PLXDC2: variants seen among roughly 807,000 people sequenced by gnomAD.
PLXDC2 encodes the protein plexin domain-containing protein 2.
PLXDC2 carries 40 observed loss-of-function variants against 68.9 expected under a neutral mutation model. The observed-to-expected ratio is 0.58, with a 90% CI of 0.45 to 0.76. The LOEUF is 0.76. Ranked by LOEUF, PLXDC2 falls within the 30% of genes least tolerant of loss-of-function variation. The probability of loss-of-function intolerance (pLI) is 0.00; values close to 1 mark genes in which losing one functional copy is unlikely to be tolerated. For synonymous variants in PLXDC2, 243 were observed against 234.2 expected (o/e 1.04, Z -0.34); for missense variants, 644 against 661.9 (o/e 0.97, Z 0.30).
At chr10:20,105,478 C>A (rs1833479915) in intron 4 of PLXDC2, among the ~76,000 whole-genome samples, 1 of 123,546 alleles carries the variant, frequency 8.1e-6, no homozygotes, top group East Asian at 2.3e-4. Flanking sequence ...CATTAAAAAG[C>A]AAATATTTGT....
At chr10:20,032,338 G>A (rs569637842) in intron 2 of PLXDC2, among the ~76,000 whole-genome samples, 4 of 152,324 alleles carry the variant, frequency 2.6e-5, no homozygotes, top group Admixed American at 2.6e-4. Context: ...GTGAGATGAG[G>A]AAAATGAAGT....
intron 13 of PLXDC2, among the ~76,000 whole-genome samples, chr10:20,252,236 T>G (rs1387118838): frequency 6.6e-6 from 1 of 152,212 alleles, no homozygotes; most frequent in African/African-American, 2.4e-5. Context: ...TATGGACTTC[T>G]GAGCTCTTAA....
chr10:19,881,241 G>T (rs1345251969), intron 1 of PLXDC2, among the ~76,000 whole-genome samples: 1 of 152,004 alleles, frequency 6.6e-6, no homozygotes, highest in African/African-American at 2.4e-5. Context: ...TCAGCCTCCT[G>T]AGTAGCTGGG....
chr10:20,241,200 GAGA>G (rs1286056848), intron 12 of PLXDC2, among the ~76,000 whole-genome samples: 4 of 152,190 alleles, frequency 2.6e-5, no homozygotes, highest in Admixed American at 2.6e-4. Context: ...ATAATTGGGA[GAGA>G]AGTATTTATG....
intron 1 of PLXDC2, among the ~76,000 whole-genome samples, chr10:19,986,214 C>T (rs1834636561): frequency 6.6e-6 from 1 of 151,834 alleles, no homozygotes; most frequent in African/African-American, 2.4e-5. Context: ...GATTGATAAA[C>T]GTATTATGAA....
At chr10:19,883,714 A>G (rs1837782032) in intron 1 of PLXDC2, among the ~76,000 whole-genome samples, 1 of 151,528 alleles carries the variant, frequency 6.6e-6, no homozygotes, top group African/African-American at 2.4e-5. Context: ...AAATTCAGAG[A>G]GAAGAATGGG....
At chr10:19,843,756 T>C (rs1443508563) in intron 1 of PLXDC2, among the ~76,000 whole-genome samples, 1 of 152,052 alleles carries the variant, frequency 6.6e-6, no homozygotes, top group East Asian at 1.9e-4. Context: ...ATGACTGATA[T>C]CAGAGCCTGG....
chr10:20,145,447 C>G (rs1000365547), intron 5 of PLXDC2, among the ~76,000 whole-genome samples: 1 of 152,178 alleles, frequency 6.6e-6, no homozygotes, highest in African/African-American at 2.4e-5. Flanking sequence ...GCAAACTTCT[C>G]TGGAAAAGAC....
rs763188886 is a variant in PLXDC2, at chr10:19,975,322, GT to G, written c.113-26452del. 2.2e-3 allele frequency among the ~76,000 whole-genome samples: 328 copies of G among 152,218 alleles called. 2 individuals carry two copies. Among genetic ancestry groups the G allele is most frequent in the Non-Finnish European group, 3.6e-3 (244 of 68,008 alleles). ...AAATACAAAAAATTAGCTGGGCATG[GT>G]GGCAGGTGCCTGTAGTCCCAGCTAC... On this transcript the variant is annotated intron_variant, in intron 1 of 13. Coordinates refer to ENST00000377252, the MANE Select transcript of PLXDC2 (RefSeq NM_032812.9).
intron 12 of PLXDC2, among the ~76,000 whole-genome samples, chr10:20,230,270 C>G (rs1307612629): frequency 6.6e-6 from 1 of 151,952 alleles, no homozygotes; most frequent in African/African-American, 2.4e-5. Context: ...AATATGTACA[C>G]TGCAAATATA....
chr10:20,237,107 A>G (rs1476736078), intron 12 of PLXDC2, among the ~76,000 whole-genome samples: 1 of 152,138 alleles, frequency 6.6e-6, no homozygotes, highest in Non-Finnish European at 1.5e-5. Context: ...GACAGACTGT[A>G]AAAGGAAAGC....
At chr10:20,223,099 A>C (rs1835237070) in intron 12 of PLXDC2, among the ~76,000 whole-genome samples, 2 of 152,154 alleles carry the variant, frequency 1.3e-5, no homozygotes, top group South Asian at 2.1e-4. Context: ...ACACCATTCT[A>C]AATGCTACAC....
At chr10:20,227,809 G>A (rs7085600) in intron 12 of PLXDC2, among the ~76,000 whole-genome samples, 80,571 of 151,910 alleles carry the variant, frequency 0.53, 21,627 homozygotes, top group Middle Eastern at 0.61. Context: ...AGACTGAGAG[G>A]CCAGAAAATC....
chr10:20,204,234 A>G (rs1294843639), intron 9 of PLXDC2, among the ~76,000 whole-genome samples: 3 of 152,138 alleles, frequency 2.0e-5, no homozygotes, highest in Non-Finnish European at 4.4e-5. Flanking sequence ...AATAAGGATA[A>G]TTATAAGTAA....
At chr10:20,127,430 G>A (rs537406220) in intron 4 of PLXDC2, among the ~76,000 whole-genome samples, 1 of 152,236 alleles carries the variant, frequency 6.6e-6, no homozygotes, top group South Asian at 2.1e-4. Flanking sequence ...AATTTGTTTT[G>A]TAAACCAGAG....
intron 2 of PLXDC2, among the ~76,000 whole-genome samples, chr10:20,021,279 TA>T (rs1447784604): frequency 2.6e-5 from 4 of 152,132 alleles, no homozygotes; most frequent in African/African-American, 7.2e-5. Flanking sequence ...AATTTTATTT[TA>T]AGTTATGGGA....
intron 1 of PLXDC2, among the ~76,000 whole-genome samples, chr10:19,917,100 T>C (rs1169353043): frequency 6.6e-6 from 1 of 152,244 alleles, no homozygotes; most frequent in Non-Finnish European, 1.5e-5. Flanking sequence ...TCAACTCTTC[T>C]AGAAAATTGT....
At chr10:20,247,983 T>C (rs1835623241) in intron 13 of PLXDC2, among the ~76,000 whole-genome samples, 1 of 152,200 alleles carries the variant, frequency 6.6e-6, no homozygotes, top group Admixed American at 6.5e-5. Flanking sequence ...TAGACAACCT[T>C]CTCAAAGTTA....
chr10:19,982,631 T>C (rs1004592941), intron 1 of PLXDC2, among the ~76,000 whole-genome samples: 2 of 152,204 alleles, frequency 1.3e-5, no homozygotes, highest in African/African-American at 4.8e-5. Context: ...AGCTAAATTT[T>C]TGATGCCCAA....
Sources: allele counts gnomAD v4.1 joint callset (sites outside exome capture counted in the v4.1 genomes callset), GRCh38; gene constraint gnomAD v4.1.1; transcripts MANE v1.5; gene names NCBI Gene and HGNC (gene_info 2026-07-23, HGNC 2026-07-21).